The following CDC42SE2 variants were observed in gnomAD, a reference collection of about 807,000 sequenced individuals.
CDC42SE2 encodes the protein CDC42 small effector protein 2.
CDC42SE2 carries 3 observed loss-of-function variants against 11.5 expected under a neutral mutation model. That is an observed-to-expected ratio of 0.26 (90% CI 0.12 to 0.67). The LOEUF is 0.67. Ranked by LOEUF, CDC42SE2 falls within the 30% of genes least tolerant of loss-of-function variation. The pLI, the probability that CDC42SE2 is intolerant of heterozygous loss-of-function variation, is 0.80. For synonymous variants in CDC42SE2, 33 were observed against 34.8 expected, an observed-to-expected ratio of 0.95 and a Z score of 0.18; for missense variants, 82 against 106.8, an observed-to-expected ratio of 0.77 and a Z score of 1.02.
At chr5:131,215,415 C>T in the CDC42SE2 span, among the ~76,000 whole-genome samples, 10 of 152,300 alleles carry the variant, frequency 6.6e-5, no homozygotes, top group East Asian at 1.5e-3. Flanking sequence ...TGTAGACCTA[C>T]GTGTTGGAGC....
intron 1 of CDC42SE2, among the ~76,000 whole-genome samples, chr5:131,270,909 C>T (rs1756981828): frequency 6.6e-6 from 1 of 151,718 alleles, no homozygotes; most frequent in African/African-American, 2.4e-5. Flanking sequence ...CCTACCACTT[C>T]AGGATGCAGC....
intron 1 of CDC42SE2, among the ~76,000 whole-genome samples, chr5:131,280,858 C>T (rs1757223828): frequency 6.6e-6 from 1 of 152,118 alleles, no homozygotes. Flanking sequence ...TTAGATATTG[C>T]TACCCTTTTT....
chr5:131,369,986 T>G (rs1034671823), intron 3 of CDC42SE2, among the ~76,000 whole-genome samples: 2 of 152,240 alleles, frequency 1.3e-5, no homozygotes, highest in African/African-American at 4.8e-5. Context: ...CAGAAACAAG[T>G]GTAGTCAGTA....
chr5:131,222,089 C>A, the CDC42SE2 span, among the ~76,000 whole-genome samples: 491 of 152,328 alleles, frequency 3.2e-3, 2 homozygotes, highest in Non-Finnish European at 5.7e-3. Flanking sequence ...ACATAATGCT[C>A]ACATGGGTGA....
chr5:131,268,383 CT>C (rs1317321567), intron 1 of CDC42SE2, among the ~76,000 whole-genome samples: 7 of 151,744 alleles, frequency 4.6e-5, no homozygotes, highest in Admixed American at 3.3e-4. Context: ...TTAATATTTA[CT>C]TGCTAGTTAG....
chr5:131,252,948 T>G (rs1197842104), intron 1 of CDC42SE2: 1 of 152,220 alleles, frequency 6.6e-6, no homozygotes, highest in African/African-American at 2.4e-5. Context: ...TCTATCTCTG[T>G]GATAATACTT....
chr5:131,263,801 G>A (rs1038322418), upstream of CDC42SE2: 1 of 152,226 alleles, frequency 6.6e-6, no homozygotes, highest in South Asian at 2.1e-4. Context: ...CTGCAGTCCC[G>A]GATCTCAGGC....
chr5:131,337,317 G>A (rs556932307), intron 2 of CDC42SE2, among the ~76,000 whole-genome samples: 9 of 152,248 alleles, frequency 5.9e-5, no homozygotes, highest in South Asian at 4.2e-4. Context: ...CTGCCTGATC[G>A]TTCGTCTGGA....
intron 2 of CDC42SE2, among the ~76,000 whole-genome samples, chr5:131,339,819 AAAAAGAGAGAG>A (rs1758668118): frequency 6.7e-6 from 1 of 150,342 alleles, no homozygotes; most frequent in Non-Finnish European, 1.5e-5. Flanking sequence ...CAAAAAAAAA[AAAAAGAGAGAG>A]AAAATTATGA....
chr5:131,264,493 C>CT (rs1190702106), intron 1 of CDC42SE2, among the ~76,000 whole-genome samples: 1 of 128,238 alleles, frequency 7.8e-6, no homozygotes, highest in African/African-American at 4.0e-5. Context: ...AAAGGCAGAC[C>CT]CCCCCCCTCC....
chr5:131,288,597 T>TG (rs1253888690), intron 1 of CDC42SE2, among the ~76,000 whole-genome samples: 1 of 152,232 alleles, frequency 6.6e-6, no homozygotes, highest in Non-Finnish European at 1.5e-5. Context: ...TGGCTTCAGA[T>TG]GATCCTTCTG....
chr5:131,371,412 C>G (rs1390267169), intron 3 of CDC42SE2, among the ~76,000 whole-genome samples: 2 of 152,054 alleles, frequency 1.3e-5, no homozygotes, highest in African/African-American at 4.8e-5. Flanking sequence ...TTAGATATTT[C>G]TGGTATTTAT....
intron 2 of CDC42SE2, among the ~76,000 whole-genome samples, chr5:131,323,677 A>G (rs1472888033): frequency 1.3e-5 from 2 of 151,244 alleles, no homozygotes; most frequent in Non-Finnish European, 2.9e-5. Context: ...TTAAAATTCT[A>G]AGGTTCTGCA....
At chr5:131,213,877 C>CT in the CDC42SE2 span, among the ~76,000 whole-genome samples, 344 of 152,022 alleles carry the variant, frequency 2.3e-3, no homozygotes, top group Middle Eastern at 6.8e-3. Flanking sequence ...GCCTTTAGGG[C>CT]TTTTTTTTCT....
rs1158555276 is a variant in CDC42SE2, at chr5:131,392,633, AACAGGTGTGGTT to A, written c.*1556_*1567del. On this transcript the variant is annotated 3_prime_UTR_variant, in exon 5 of 5. Transcript: ENST00000505065. ...TTGAGAGCAAGGACCTGTGGTTGTA[AACAGGTGTGGTT>A]ACAGGTGTGGTTATGTATCTGAGTG... 3.3e-5 allele frequency: 5 copies of A among 152,468 alleles called. No homozygotes were observed. Among genetic ancestry groups the A allele is most frequent in the South Asian group, 2.1e-4 (1 of 4,824 alleles). The allele number at this position is 152,468 out of a possible 1,614,324, so 9.4% of individuals were successfully genotyped here.
intron 1 of CDC42SE2, among the ~76,000 whole-genome samples, chr5:131,313,685 T>C (rs1276944347): frequency 6.6e-6 from 1 of 152,220 alleles, no homozygotes; most frequent in Non-Finnish European, 1.5e-5. Context: ...GTTAAGTCTC[T>C]CTGCCTACTA....
At chr5:131,250,611 G>T (rs923593707) in intron 1 of CDC42SE2, among the ~76,000 whole-genome samples, 1 of 152,090 alleles carries the variant, frequency 6.6e-6, no homozygotes, top group Non-Finnish European at 1.5e-5. Context: ...GAAATGAATA[G>T]GTGGAGCATA....
rs1243141230 is a variant in CDC42SE2 at position 131,283,537 on chromosome 5, A to T, written c.-455+19371A>T. Among the ~76,000 whole-genome samples, 6 of 150,932 alleles carry T rather than the reference A, an allele frequency of 4.0e-5. No individual in the cohort carries two copies. In the East Asian group the frequency reaches 1.2e-3, roughly 29 times the overall value. On this transcript the variant is annotated intron_variant, in intron 1 of 4. Coordinates refer to ENST00000505065, the MANE Select transcript of CDC42SE2 (RefSeq NM_001375635.1). ...AGATGGAGTTTCGCTCTTGTTATCC[A>T]GGCTGGAGTGCAGTGGTGTGATCTC...
chr5:131,382,922 TAAG>T (rs1298470405), intron 3 of CDC42SE2, among the ~76,000 whole-genome samples: 2 of 152,188 alleles, frequency 1.3e-5, no homozygotes, highest in Non-Finnish European at 2.9e-5. Flanking sequence ...AATATATTAT[TAAG>T]AAGAGAAAAA....
Sources: allele counts gnomAD v4.1 joint callset (sites outside exome capture counted in the v4.1 genomes callset), GRCh38; gene constraint gnomAD v4.1.1; transcripts MANE v1.5; gene names NCBI Gene and HGNC (gene_info 2026-07-23, HGNC 2026-07-21).